Variants in OSBPL9 observed in about 807,000 individuals in gnomAD.
OSBPL9 encodes oxysterol binding protein like 9.
OSBPL9 carries 40 observed loss-of-function variants against 106.6 expected under a neutral mutation model. The ratio of observed to expected loss-of-function variants is 0.38; its 90% CI spans 0.29 to 0.49. OSBPL9 has a LOEUF of 0.49. OSBPL9 is among the 20% of genes least tolerant of loss of function. The pLI is 0.97. For synonymous variants in OSBPL9, 269 were observed against 295.4 expected, an observed-to-expected ratio of 0.91 and a Z score of 0.92; for missense variants, 609 against 887.2, an observed-to-expected ratio of 0.69 and a Z score of 3.98.
rs149756056 is a variant in OSBPL9, at chr1:51,685,624, C to G, written c.241+16112C>G. Reference sequence around the variant, plus strand: ...TGTTGGCCAGGCTGGTCTCGAACTCCTGACCTCAAGTTATCTGCCCGCCTT... The same window carrying G: ...TGTTGGCCAGGCTGGTCTCGAACTCGTGACCTCAAGTTATCTGCCCGCCTT... On this transcript the variant is annotated intron_variant, in intron 3 of 23. Transcript: ENST00000428468. 2.4e-3 allele frequency among the ~76,000 whole-genome samples: 358 copies of G among 152,312 alleles called. 1 individual carries two copies. The highest frequency in any genetic ancestry group is 8.3e-3 in the African/African-American group (343 of 41,564).
chr1:51,618,464 A>C (rs1254847733), intron 1 of OSBPL9, among the ~76,000 whole-genome samples: 1 of 152,244 alleles, frequency 6.6e-6, no homozygotes, highest in Non-Finnish European at 1.5e-5. Flanking sequence ...AAGAAAATAC[A>C]TAAGAGGACA....
the OSBPL9 span, among the ~76,000 whole-genome samples, chr1:51,529,195 A>G: frequency 6.6e-6 from 1 of 152,188 alleles, no homozygotes; most frequent in Non-Finnish European, 1.5e-5. Flanking sequence ...AGAATAGCCA[A>G]ATAATCTTAA....
rs182723482 is a variant in OSBPL9 at position 51,683,946 on chromosome 1, G to A, written c.241+14434G>A. ...TGGAGGCAGTGAATGTTGGGGAGAT[G>A]TTGGTCAAAGGGTACAAAGTTTCAG... is the stretch of plus-strand genomic sequence containing the variant. On this transcript the variant is annotated intron_variant, in intron 3 of 23. Coordinates refer to ENST00000428468, the MANE Select transcript of OSBPL9 (RefSeq NM_024586.6). 2.2e-4 allele frequency among the ~76,000 whole-genome samples: 33 copies of A among 152,306 alleles called. 1 individual carries two copies. The East Asian group carries it at 3.9e-3, about 18-fold the overall frequency.
chr1:51,633,361 G>C (rs563928050), intron 1 of OSBPL9, among the ~76,000 whole-genome samples: 2 of 151,620 alleles, frequency 1.3e-5, no homozygotes, highest in East Asian at 2.0e-4. Context: ...CTTGAGCCCA[G>C]GTGTTCAAGA....
intron 1 of OSBPL9, 21 bp from the exon 2 acceptor site, chr1:51,651,970 A>G (rs1455434498): frequency 1.3e-6 from 2 of 1,592,748 alleles, no homozygotes; most frequent in Non-Finnish European, 1.7e-6. Context: ...TTATTCATTG[A>G]ATGCTTTGTT....
At chr1:51,711,239 G>C (rs942081428) in intron 3 of OSBPL9, among the ~76,000 whole-genome samples, 1 of 151,100 alleles carries the variant, frequency 6.6e-6, no homozygotes, top group Non-Finnish European at 1.5e-5. Flanking sequence ...CCCAGACGGG[G>C]TGGTGGCCGG....
chr1:51,536,210 T>C, the OSBPL9 span, among the ~76,000 whole-genome samples: 4 of 152,232 alleles, frequency 2.6e-5, no homozygotes, highest in African/African-American at 7.2e-5. Flanking sequence ...TAATGTCCTA[T>C]ATAGCAGTAT....
At chr1:51,627,802 C>T (rs142520606) in intron 1 of OSBPL9, among the ~76,000 whole-genome samples, 48 of 152,068 alleles carry the variant, frequency 3.2e-4, no homozygotes, top group Admixed American at 1.1e-3. Context: ...TCTGTTAGTC[C>T]ATCTTGCATT....
upstream of OSBPL9, among the ~76,000 whole-genome samples, chr1:51,615,989 C>G (rs939165319): frequency 7.1e-6 from 1 of 140,222 alleles, no homozygotes; most frequent in Non-Finnish European, 1.5e-5. Flanking sequence ...AGTAGGTGGT[C>G]AATAAATCCT....
intron 3 of OSBPL9, among the ~76,000 whole-genome samples, chr1:51,713,205 A>G (rs1161364931): frequency 6.6e-6 from 1 of 152,066 alleles, no homozygotes; most frequent in African/African-American, 2.4e-5. Flanking sequence ...GCTGGAGTGC[A>G]GTGGCACGAT....
chr1:51,746,460 A>T (rs571097322), intron 5 of OSBPL9, among the ~76,000 whole-genome samples: 1 of 152,242 alleles, frequency 6.6e-6, no homozygotes, highest in African/African-American at 2.4e-5. Context: ...ATTTTTTAAA[A>T]GTCATCTGTT....
At chr1:51,519,110 G>A in the OSBPL9 span, 2 of 911,442 alleles carry the variant, frequency 2.2e-6, no homozygotes, top group South Asian at 2.0e-5. Context: ...TGCCTGCTTG[G>A]CCCACAAGCC....
At chr1:51,688,038 G>A (rs535578357) in intron 3 of OSBPL9, among the ~76,000 whole-genome samples, 6 of 152,088 alleles carry the variant, frequency 3.9e-5, no homozygotes, top group Non-Finnish European at 7.4e-5. Context: ...ACTATGAATG[G>A]AACATGACTA....
At chr1:51,578,481 T>C (rs1172141106) in intron 1 of OSBPL9, among the ~76,000 whole-genome samples, 1 of 150,364 alleles carries the variant, frequency 6.7e-6, no homozygotes, top group Non-Finnish European at 1.5e-5. Context: ...CTTAACATCA[T>C]AACATCATGA....
Position 51,787,703 on chromosome 1 carries a change from T to A in OSBPL9, c.2137-12T>A. On this transcript the variant is annotated splice_polypyrimidine_tract_variant and intron_variant, in intron 23 of 23. Transcript: ENST00000428468. ...CAAATATGTAACTAAATTCTTCCTC[T>A]TTGTCTTACAGTTATTTCATGAAGA... is the stretch of plus-strand genomic sequence containing the variant. 1 of 1,609,868 alleles carries A rather than the reference T, an allele frequency of 6.2e-7. No individual in the cohort carries two copies. The highest frequency in any genetic ancestry group is 1.1e-5 in the South Asian group (1 of 90,912).
chr1:51,645,196 TTC>T (rs1330244544), intron 1 of OSBPL9, among the ~76,000 whole-genome samples: 3 of 152,220 alleles, frequency 2.0e-5, no homozygotes, highest in Non-Finnish European at 4.4e-5. Context: ...GTCTCTGGTA[TTC>T]TGTTATAGTA....
intron 1 of OSBPL9, among the ~76,000 whole-genome samples, chr1:51,581,403 TATGTATCAGG>T (rs1645220847): frequency 6.6e-6 from 1 of 152,238 alleles, no homozygotes. Context: ...ACTGAGGCGG[TATGTATCAGG>T]TTTCTCCATT....
intron 3 of OSBPL9, among the ~76,000 whole-genome samples, chr1:51,683,272 C>G (rs1653002824): frequency 6.6e-6 from 1 of 152,018 alleles, no homozygotes; most frequent in Admixed American, 6.6e-5. Flanking sequence ...CCTCCATCTC[C>G]CGAGTTCAAG....
chr1:51,714,264 C>T (rs552699193), intron 4 of OSBPL9, among the ~76,000 whole-genome samples, 185 bp downstream of exon 4: 3 of 151,996 alleles, frequency 2.0e-5, no homozygotes, highest in African/African-American at 7.2e-5. Flanking sequence ...CTGCTTTCTG[C>T]AGAGTAAAAT....
Sources: allele counts gnomAD v4.1 joint callset (sites outside exome capture counted in the v4.1 genomes callset), GRCh38; gene constraint gnomAD v4.1.1; transcripts MANE v1.5; gene names NCBI Gene and HGNC (gene_info 2026-07-23, HGNC 2026-07-21).